The following NEGR1 variants were observed in gnomAD, a reference collection of about 807,000 sequenced individuals.
NEGR1 encodes the protein neuronal growth regulator 1, also known as IgLON family member 4.
NEGR1 carries 10 observed loss-of-function variants against 40.9 expected under a neutral mutation model. The observed-to-expected ratio is 0.24, with a 90% CI of 0.15 to 0.42. The LOEUF (loss-of-function observed/expected upper bound fraction) is 0.42, where lower values mean the gene tolerates loss of function less well. NEGR1 is among the 10% of genes least tolerant of loss of function. The probability of loss-of-function intolerance (pLI) is 1.00; values close to 1 mark genes in which losing one functional copy is unlikely to be tolerated. For missense variants in NEGR1, 352 were observed against 438.9 expected, an observed-to-expected ratio of 0.80 and a Z score of 1.77; for synonymous variants, 185 against 166.8, an observed-to-expected ratio of 1.11 and a Z score of -0.84.
intron 6 of NEGR1, chr1:71,421,322 C>T (rs1156866586): frequency 6.6e-6 from 1 of 152,070 alleles, no homozygotes; most frequent in African/African-American, 2.4e-5. Context: ...ATTCAGACAT[C>T]TCTGCATAAA....
intron 6 of NEGR1, among the ~76,000 whole-genome samples, chr1:71,568,218 G>A (rs757150433): frequency 3.2e-4 from 48 of 152,194 alleles, no homozygotes; most frequent in Admixed American, 1.3e-3. Flanking sequence ...CTATGAAATC[G>A]GTGTATTAGA....
intron 6 of NEGR1, among the ~76,000 whole-genome samples, chr1:71,528,801 A>G (rs925146255): frequency 2.0e-5 from 3 of 151,166 alleles, no homozygotes; most frequent in Non-Finnish European, 3.0e-5. Flanking sequence ...TAAAAAAACA[A>G]TTGTTTCGGT....
intron 1 of NEGR1, among the ~76,000 whole-genome samples, chr1:72,114,156 T>C (rs1649491602): frequency 6.6e-6 from 1 of 151,650 alleles, no homozygotes; most frequent in African/African-American, 2.4e-5. Flanking sequence ...ATTGGATGTT[T>C]CTCTGAGGGT....
chr1:72,078,226 T>A (rs942195872), intron 1 of NEGR1, among the ~76,000 whole-genome samples: 10 of 152,134 alleles, frequency 6.6e-5, no homozygotes, highest in African/African-American at 2.4e-4. Context: ...AGATGTGAAG[T>A]GTAGTGTATT....
chr1:71,811,903 T>C (rs907980048), intron 2 of NEGR1, among the ~76,000 whole-genome samples: 4 of 151,022 alleles, frequency 2.6e-5, no homozygotes, highest in Admixed American at 2.0e-4. Flanking sequence ...TTTTATTTTA[T>C]TTTATTTTCT....
At chr1:71,528,674 A>G (rs1014103523) in intron 6 of NEGR1, among the ~76,000 whole-genome samples, 2 of 151,342 alleles carry the variant, frequency 1.3e-5, no homozygotes, top group Admixed American at 6.6e-5. Flanking sequence ...GTTTACAAAC[A>G]TTAAATTCTG....
At chr1:71,529,944 T>C (rs1181547517) in intron 6 of NEGR1, among the ~76,000 whole-genome samples, 3 of 151,258 alleles carry the variant, frequency 2.0e-5, no homozygotes, top group Non-Finnish European at 4.4e-5. Flanking sequence ...GATTCTGACT[T>C]GTCAAGAATA....
At chr1:71,739,062 G>A (rs1174490780) in intron 3 of NEGR1, among the ~76,000 whole-genome samples, 1 of 151,928 alleles carries the variant, frequency 6.6e-6, no homozygotes, top group Non-Finnish European at 1.5e-5. Flanking sequence ...AGGTTGCAAT[G>A]TTCCTGGGTG....
At chr1:72,015,900 G>T (rs2100411144) in intron 1 of NEGR1, among the ~76,000 whole-genome samples, 1 of 152,038 alleles carries the variant, frequency 6.6e-6, no homozygotes, top group Non-Finnish European at 1.5e-5. Context: ...AATAAAAACA[G>T]GCCACTAAAG....
At chr1:71,952,946 C>T (rs1342718031) in intron 1 of NEGR1, among the ~76,000 whole-genome samples, 2 of 144,450 alleles carry the variant, frequency 1.4e-5, no homozygotes, top group African/African-American at 5.2e-5. Context: ...TAGTTAAGAC[C>T]TACTGCTCAG....
chr1:72,237,577 G>A lies in NEGR1; in HGVS notation c.176+44742C>T, dbSNP rs183656908. ...ACAGGACACAAATATTCAGATCATA[G>A]CCAATTAAATATCAAAAATTAAATG... On this transcript the variant is annotated intron_variant, in intron 1 of 6. Transcript: ENST00000357731. Among the ~76,000 whole-genome samples, 10 of 152,016 alleles carry A rather than the reference G, an allele frequency of 6.6e-5. No homozygotes were observed. The East Asian group carries it at 1.7e-3, about 26-fold the overall frequency.
intron 1 of NEGR1, among the ~76,000 whole-genome samples, chr1:72,237,007 T>G (rs1654570254): frequency 6.6e-6 from 1 of 151,966 alleles, no homozygotes; most frequent in South Asian, 2.1e-4. Context: ...TGAGTTTAAT[T>G]AAAAAGTGAA....
At chr1:71,660,608 G>A (rs1351905366) in intron 4 of NEGR1, among the ~76,000 whole-genome samples, 1 of 152,096 alleles carries the variant, frequency 6.6e-6, no homozygotes, top group Non-Finnish European at 1.5e-5. Context: ...CTCTGATTCT[G>A]AAAACAAAAA....
intron 2 of NEGR1, among the ~76,000 whole-genome samples, chr1:71,790,075 A>G (rs1189520481): frequency 1.3e-5 from 2 of 152,142 alleles, no homozygotes; most frequent in Non-Finnish European, 2.9e-5. Flanking sequence ...TAGGTCAACT[A>G]CTTACGAAGA....
intron 6 of NEGR1, among the ~76,000 whole-genome samples, chr1:71,502,349 A>G (rs1647005174): frequency 6.6e-6 from 1 of 152,198 alleles, no homozygotes; most frequent in African/African-American, 2.4e-5. Context: ...TCGACCAATG[A>G]GGAACTGGGG....
At chr1:71,957,082 A>C (rs1181349647) in intron 1 of NEGR1, among the ~76,000 whole-genome samples, 1 of 152,164 alleles carries the variant, frequency 6.6e-6, no homozygotes, top group East Asian at 1.9e-4. Flanking sequence ...AATAATACAC[A>C]AGTATTCCCA....
intron 5 of NEGR1, among the ~76,000 whole-genome samples, chr1:71,601,161 C>A (rs2101531683): frequency 1.3e-5 from 2 of 152,288 alleles, no homozygotes; most frequent in East Asian, 3.9e-4. Context: ...TTTCTTCCAA[C>A]TACTCTAAGA....
At chr1:71,548,728 A>G (rs993424186) in intron 6 of NEGR1, among the ~76,000 whole-genome samples, 2 of 151,680 alleles carry the variant, frequency 1.3e-5, no homozygotes, top group African/African-American at 2.4e-5. Flanking sequence ...ATAAACTACA[A>G]CATATAAAGG....
Position 71,798,370 on chromosome 1 carries a change from T to C in NEGR1, c.410-22073A>G, listed in dbSNP as rs1570360928. ...CAGAGGTTAAACATAAAAAAATGACTAAAGAGTAAGCAAAGAAAGTATATA... is the reference window on the plus strand; with the variant it reads ...CAGAGGTTAAACATAAAAAAATGACCAAAGAGTAAGCAAAGAAAGTATATA... On this transcript the variant is annotated intron_variant, in intron 2 of 6. Coordinates refer to ENST00000357731, the MANE Select transcript of NEGR1 (RefSeq NM_173808.3). 3 of 151,866 alleles carry C rather than the reference T, an allele frequency of 2.0e-5. No individual in the cohort carries two copies. In the East Asian group the frequency reaches 5.8e-4, roughly 29 times the overall value. The allele number at this position is 151,866 out of a possible 1,614,324, so 9.4% of individuals were successfully genotyped here. A position where few individuals can be genotyped will look rare whatever the true frequency, so the allele number is the denominator to read the frequency against.
Sources: gnomAD v4.1 joint callset for allele counts (sites outside exome capture counted in the v4.1 genomes callset) on GRCh38, gnomAD v4.1.1 for gene constraint, MANE v1.5 for transcripts, NCBI Gene and HGNC (gene_info 2026-07-23, HGNC 2026-07-21) for gene names.